The following PRKAG2 variants were observed in gnomAD, a reference collection of about 807,000 sequenced individuals.
PRKAG2 encodes protein kinase AMP-activated non-catalytic subunit gamma 2.
PRKAG2 carries 26 observed loss-of-function variants against 69.6 expected under a neutral mutation model. The ratio of observed to expected loss-of-function variants is 0.37; its 90% confidence interval spans 0.27 to 0.52. PRKAG2 has a LOEUF of 0.52. Among genes scored for constraint, PRKAG2 ranks in the 20% least tolerant of loss-of-function variants. PRKAG2 has a pLI of 0.90. For synonymous variants in PRKAG2, 293 were observed against 285.0 expected, an observed-to-expected ratio of 1.03 and a Z score of -0.28; for missense variants, 557 against 740.0, an observed-to-expected ratio of 0.75 and a Z score of 2.87.
At chr7:151,787,071 C>T (rs4425665) in intron 1 of PRKAG2, among the ~76,000 whole-genome samples, 127,448 of 152,118 alleles carry the variant, frequency 0.84, 54,400 homozygotes, top group East Asian at 1. Context: ...CACACACTTA[C>T]TGTGTCTGAA....
intron 4 of PRKAG2, chr7:151,675,199 G>T (rs886985206): frequency 1.8e-6 from 1 of 568,988 alleles, no homozygotes; most frequent in African/African-American, 1.8e-5. Flanking sequence ...GGGACTACAG[G>T]TGTGAGCCAC....
Position 151,632,728 on chromosome 7 carries a change from T to C in PRKAG2, c.685-590A>G. On this transcript the variant is annotated intron_variant, in intron 4 of 15. Coordinates refer to ENST00000287878, the MANE Select transcript of PRKAG2 (RefSeq NM_016203.4). This position sits in a 1 kb window ranked among gnomAD's most constrained non-coding sequence, Gnocchi z 4.2. The stretch of plus-strand genomic sequence containing the variant: ...TCCTCTTCCCTTTCCAAATTTTAGA[T>C]GTAACTGCCCATCCTCGGCCCCCTT... 2.4e-6 allele frequency: 1 copy of C among 418,438 alleles called. No homozygotes were observed. Among genetic ancestry groups the C allele is most frequent in the Non-Finnish European group, 3.2e-6 (1 of 311,402 alleles). 25.9% of individuals were successfully genotyped at this position (418,438 alleles called of 1,614,324 possible).
chr7:151,608,154 G>A (rs1054222518), intron 5 of PRKAG2, among the ~76,000 whole-genome samples: 11 of 152,160 alleles, frequency 7.2e-5, no homozygotes, highest in Non-Finnish European at 1.5e-4. Flanking sequence ...GGGCAGCGTG[G>A]GGCGGATTCT....
Position 151,675,554 on chromosome 7 carries a change from G to T in PRKAG2, c.550C>A (p.Pro184Thr), listed in dbSNP as rs545533727. The change falls in exon 4 of 16, where the codon CCT becomes ACT. Residue 184 changes from proline to threonine, a missense_variant. Coordinates refer to ENST00000287878, the MANE Select transcript of PRKAG2 (RefSeq NM_016203.4). ...TAGATGCGATTCTCTAACCGTTCAGGCTCGTGCTTATAGGATTCCAGGGGA... is the reference window on the plus strand; with the variant it reads ...TAGATGCGATTCTCTAACCGTTCAGTCTCGTGCTTATAGGATTCCAGGGGA... ...TFPLESYKHE[P>T]ERLENRIYAS... 1 of 1,614,074 alleles carries T rather than the reference G, an allele frequency of 6.2e-7. No homozygotes were observed. The highest frequency in any genetic ancestry group is 8.5e-7 in the Non-Finnish European group (1 of 1,179,902).
intron 1 of PRKAG2, among the ~76,000 whole-genome samples, chr7:151,852,768 G>A (rs775671074): frequency 6.6e-6 from 1 of 152,078 alleles, no homozygotes; most frequent in Non-Finnish European, 1.5e-5. Flanking sequence ...GGGTGTGCAC[G>A]GAGCTTCTGC....
intron 4 of PRKAG2, among the ~76,000 whole-genome samples, chr7:151,666,961 G>T (rs1831136657): frequency 1.3e-5 from 2 of 152,146 alleles, no homozygotes; most frequent in South Asian, 4.1e-4. Flanking sequence ...TATTTTCCCA[G>T]CTGTTGAGAA....
intron 4 of PRKAG2, among the ~76,000 whole-genome samples, chr7:151,636,819 C>T (rs942255476): frequency 2.6e-5 from 4 of 152,178 alleles, no homozygotes; most frequent in African/African-American, 9.7e-5. Context: ...ATTCTCCTGC[C>T]TCAGCCTCCC....
At chr7:151,673,664 C>T (rs555067383) in intron 4 of PRKAG2, among the ~76,000 whole-genome samples, 12 of 152,274 alleles carry the variant, frequency 7.9e-5, no homozygotes, top group Middle Eastern at 3.4e-3. Context: ...AGCATGGCAA[C>T]GCATCTTCTC....
chr7:151,615,974 G>C (rs1203800168), intron 5 of PRKAG2, among the ~76,000 whole-genome samples: 1 of 152,232 alleles, frequency 6.6e-6, no homozygotes, highest in Non-Finnish European at 1.5e-5. Context: ...AGCATGATTA[G>C]AGCCTCTGTG....
At chr7:151,635,860 CAATA>C (rs1370507416) in intron 4 of PRKAG2, among the ~76,000 whole-genome samples, 6 of 148,752 alleles carry the variant, frequency 4.0e-5, no homozygotes, top group African/African-American at 1.5e-4. Context: ...GAGGAAATGA[CAATA>C]AATTTTTTTT....
Position 151,557,053 on chromosome 7 carries a change from A to T in PRKAG2, c.*148T>A. 1 of 1,337,296 alleles carries T rather than the reference A, an allele frequency of 7.5e-7. No homozygotes were observed. Among genetic ancestry groups the T allele is most frequent in the Non-Finnish European group, 1.1e-6 (1 of 946,518 alleles). 82.8% of individuals were successfully genotyped at this position (1,337,296 alleles called of 1,614,324 possible). The stretch of plus-strand genomic sequence containing the variant: ...CAAGCACATAAAATCTTTCTTTTTT[A>T]AGCTTAATTTCAACATCACTGGAAG... On this transcript the variant is annotated 3_prime_UTR_variant, in exon 16 of 16. Coordinates refer to ENST00000287878, the MANE Select transcript of PRKAG2 (RefSeq NM_016203.4).
intron 4 of PRKAG2, among the ~76,000 whole-genome samples, chr7:151,651,297 T>C (rs1828453351): frequency 6.6e-6 from 1 of 152,146 alleles, no homozygotes; most frequent in African/African-American, 2.4e-5. Context: ...CATGCATGGG[T>C]GAAAGATCCA....
chr7:151,675,152 C>T, intron 4 of PRKAG2: 2 of 436,672 alleles, frequency 4.6e-6, no homozygotes, highest in South Asian at 3.9e-5. Context: ...AACTCCTGGC[C>T]TCAAGTGATC....
chr7:151,639,029 C>T lies in PRKAG2; in HGVS notation c.685-6891G>A, dbSNP rs1339714112. On this transcript the variant is annotated intron_variant, in intron 4 of 15. Coordinates refer to ENST00000287878, the MANE Select transcript of PRKAG2 (RefSeq NM_016203.4). ...AGGAGCTGCACATGCACTCTGCTCC[C>T]GTTCCCACTGGGCATTCTCCAGGCA... Among the ~76,000 whole-genome samples, 3 of 152,298 alleles carry T rather than the reference C, an allele frequency of 2.0e-5. 1 individual carries two copies. In the South Asian group the frequency reaches 6.2e-4, roughly 32 times the overall value.
At position 151,675,500 on chromosome 7, in the gene PRKAG2, G is replaced by T; in HGVS notation, c.604C>A (p.Gln202Lys). 1 of 1,614,220 alleles carries T rather than the reference G, an allele frequency of 6.2e-7. No individual in the cohort carries two copies. Among genetic ancestry groups the T allele is most frequent in the Non-Finnish European group, 8.5e-7 (1 of 1,180,032 alleles). The change falls in exon 4 of 16, where the codon CAG becomes AAG. Residue 202 changes from glutamine to lysine, a missense_variant. By Grantham distance (53) the Gln-to-Lys change is moderately conservative. Coordinates refer to ENST00000287878, the MANE Select transcript of PRKAG2 (RefSeq NM_016203.4). ...YASSSPPDTGQRFCPSSFQSP... is the reference protein window; with the variant it reads ...YASSSPPDTGKRFCPSSFQSP... ...TGGAAGGAAGACGGGCAGAACCTCT[G>T]CCCTGTGTCCGGGGGGGAAGACGAG...
chr7:151,786,164 CT>C (rs1265599082), intron 2 of PRKAG2, among the ~76,000 whole-genome samples: 1 of 152,218 alleles, frequency 6.6e-6, no homozygotes, highest in Non-Finnish European at 1.5e-5. Context: ...GCTTAGCTCA[CT>C]GCTCATCTTC....
rs185844793 is a variant in PRKAG2 at position 151,636,034 on chromosome 7, G to A, written c.685-3896C>T. Among the ~76,000 whole-genome samples, 39 of 148,934 alleles carry A rather than the reference G, an allele frequency of 2.6e-4. No individual in the cohort carries two copies. The East Asian group carries it at 3.7e-3, about 14-fold the overall frequency. ...AGGCTAATTTTTTGTATTTTTTTTAGTAGAGACTGGGTTTCACCGTGTTAG... is the reference window on the plus strand; with the variant it reads ...AGGCTAATTTTTTGTATTTTTTTTAATAGAGACTGGGTTTCACCGTGTTAG... On this transcript the variant is annotated intron_variant, in intron 4 of 15. Transcript: ENST00000287878.
chr7:151,785,656 C>T (rs2076967363), intron 2 of PRKAG2, among the ~76,000 whole-genome samples: 1 of 152,236 alleles, frequency 6.6e-6, no homozygotes, highest in African/African-American at 2.4e-5. Flanking sequence ...GTACGTAGCC[C>T]CCAGATCACT....
chr7:151,844,812 CAGTA>C (rs1468597376), intron 1 of PRKAG2, among the ~76,000 whole-genome samples: 3 of 152,186 alleles, frequency 2.0e-5, no homozygotes, highest in Non-Finnish European at 1.5e-5. Flanking sequence ...AGTAAAGGCT[CAGTA>C]AGTATTTACT....
Sources: gnomAD v4.1 joint callset for allele counts (sites outside exome capture counted in the v4.1 genomes callset) on GRCh38, gnomAD v4.1.1 for gene constraint, Gnocchi (gnomAD v3.1) non-coding constraint, MANE v1.5 for transcripts, NCBI Gene and HGNC (gene_info 2026-07-23, HGNC 2026-07-21) for gene names.